Variants in LGSN observed in about 807,000 individuals in gnomAD.
LGSN encodes the protein lengsin, lens protein with glutamine synthetase domain.
LGSN carries 21 observed loss-of-function variants against 19.5 expected under a neutral mutation model. That is an observed-to-expected ratio of 1.07 (90% CI 0.76 to 1.55). LGSN has a LOEUF of 1.55. Ranked by LOEUF, LGSN falls within the 40% of genes most tolerant of loss-of-function variation. The pLI, the probability that LGSN is intolerant of heterozygous loss-of-function variation, is 0.00. For missense variants in LGSN, 673 were observed against 608.5 expected (o/e 1.11, Z -1.12); for synonymous variants, 257 against 215.6 (o/e 1.19, Z -1.68).
At chr6:63,476,003 G>A in the LGSN span, among the ~76,000 whole-genome samples, 64 of 152,322 alleles carry the variant, frequency 4.2e-4, no homozygotes, top group Middle Eastern at 3.4e-3. Flanking sequence ...ATGTCATTCA[G>A]ATCAAGAGCC....
At chr6:63,542,645 G>C in the LGSN span, among the ~76,000 whole-genome samples, 2 of 152,108 alleles carry the variant, frequency 1.3e-5, no homozygotes, top group East Asian at 1.9e-4. Context: ...TCACATAGTT[G>C]ACCAGTTTTC....
chr6:63,289,886 G>C (rs116233738), intron 2 of LGSN, among the ~76,000 whole-genome samples: 1 of 152,148 alleles, frequency 6.6e-6, no homozygotes, highest in African/African-American at 2.4e-5. Context: ...TCAAGGTCCA[G>C]CCATCTTTCA....
At chr6:63,500,404 A>C in the LGSN span, among the ~76,000 whole-genome samples, 1 of 152,148 alleles carries the variant, frequency 6.6e-6, no homozygotes, top group South Asian at 2.1e-4. Flanking sequence ...GACCTCTGAC[A>C]GGTTTATTTT....
At chr6:63,371,941 A>C in the LGSN span, among the ~76,000 whole-genome samples, 1 of 152,272 alleles carries the variant, frequency 6.6e-6, no homozygotes, top group East Asian at 1.9e-4. Context: ...AGTATTCTCA[A>C]ATCTTTTCAT....
the LGSN span, among the ~76,000 whole-genome samples, chr6:63,351,540 C>A: frequency 6.6e-6 from 1 of 152,076 alleles, no homozygotes; most frequent in African/African-American, 2.4e-5. Context: ...CTCACTGCAA[C>A]CTCTGCCTCC....
chr6:63,294,006 T>G, intron 2 of LGSN: 1 of 323,916 alleles, frequency 3.1e-6, no homozygotes, highest in South Asian at 2.5e-5. Flanking sequence ...CCCTAGTCAC[T>G]GGCCAAGAAA....
the LGSN span, among the ~76,000 whole-genome samples, chr6:63,454,793 C>CTTTTT: frequency 2.6e-3 from 234 of 91,712 alleles, 4 homozygotes; most frequent in Non-Finnish European, 3.4e-3. Flanking sequence ...TTTTCTTTTT[C>CTTTTT]TTTTTTTTTT....
At chr6:63,564,455 T>C in the LGSN span, among the ~76,000 whole-genome samples, 4 of 152,284 alleles carry the variant, frequency 2.6e-5, no homozygotes, top group African/African-American at 9.6e-5. Context: ...GTTGTAGCTT[T>C]TGTTAAATAA....
At chr6:63,544,133 C>T in the LGSN span, among the ~76,000 whole-genome samples, 1 of 152,080 alleles carries the variant, frequency 6.6e-6, no homozygotes, top group African/African-American at 2.4e-5. Flanking sequence ...TAAAGACTAC[C>T]AGACACTGTG....
At chr6:63,557,859 C>T in the LGSN span, among the ~76,000 whole-genome samples, 1 of 151,754 alleles carries the variant, frequency 6.6e-6, no homozygotes, top group East Asian at 1.9e-4. Flanking sequence ...ATAGCAAGAT[C>T]AGATATGCAT....
At chr6:63,541,478 C>T in the LGSN span, among the ~76,000 whole-genome samples, 3 of 151,914 alleles carry the variant, frequency 2.0e-5, no homozygotes, top group African/African-American at 7.3e-5. Flanking sequence ...GCCTGAACCC[C>T]GGAGGCAGAG....
At chr6:63,404,815 A>G in the LGSN span, among the ~76,000 whole-genome samples, 1 of 151,980 alleles carries the variant, frequency 6.6e-6, no homozygotes, top group African/African-American at 2.4e-5. Flanking sequence ...TTATTTTATT[A>G]TTATTATACT....
At chr6:63,549,365 T>G in the LGSN span, 4 of 754,230 alleles carry the variant, frequency 5.3e-6, no homozygotes, top group Non-Finnish European at 9.7e-6. Context: ...GTTAGGTCTC[T>G]TTTGGGCTGA....
At chr6:63,282,272 C>T (rs1356592814) in intron 3 of LGSN, among the ~76,000 whole-genome samples, 3 of 152,132 alleles carry the variant, frequency 2.0e-5, no homozygotes, top group African/African-American at 7.2e-5. Flanking sequence ...AGGTTGGTTC[C>T]CATGAAGTCA....
chr6:63,572,592 C>T, the LGSN span: 3 of 417,872 alleles, frequency 7.2e-6, no homozygotes, highest in African/African-American at 2.0e-5. Context: ...CCTGCATCGC[C>T]GCCACCGCCG....
At chr6:63,531,096 G>T in the LGSN span, among the ~76,000 whole-genome samples, 6 of 152,262 alleles carry the variant, frequency 3.9e-5, no homozygotes, top group African/African-American at 1.2e-4. Flanking sequence ...GATAGATCAG[G>T]TTTCAAGCAC....
chr6:63,338,599 G>T, the LGSN span, among the ~76,000 whole-genome samples: 1 of 151,830 alleles, frequency 6.6e-6, no homozygotes, highest in East Asian at 1.9e-4. Context: ...TGTTTTCTTG[G>T]TTAGTTTAGC....
At chr6:63,290,097 G>C (rs1388189035) in intron 2 of LGSN, among the ~76,000 whole-genome samples, 3 of 152,150 alleles carry the variant, frequency 2.0e-5, no homozygotes, top group Admixed American at 6.6e-5. Context: ...ACTTAGAGAA[G>C]TTATTCCAAA....
the LGSN span, among the ~76,000 whole-genome samples, chr6:63,421,557 G>A: frequency 6.8e-4 from 103 of 152,008 alleles, no homozygotes; most frequent in African/African-American, 2.2e-3. Flanking sequence ...GTGAAACCTC[G>A]TCTCTACTAA....
Sources: allele counts gnomAD v4.1 joint callset (sites outside exome capture counted in the v4.1 genomes callset), GRCh38; gene constraint gnomAD v4.1.1; transcripts MANE v1.5; gene names NCBI Gene and HGNC (gene_info 2026-07-23, HGNC 2026-07-21).